The following ATF2 variants were observed in gnomAD, a reference collection of about 807,000 sequenced individuals.
The protein encoded by ATF2 is cyclic AMP-dependent transcription factor ATF-2.
ATF2 carries 24 observed loss-of-function variants against 60.6 expected under a neutral mutation model. The ratio of observed to expected loss-of-function variants is 0.40; its 90% CI spans 0.29 to 0.56. ATF2 has a LOEUF of 0.56. Among genes scored for constraint, ATF2 ranks in the 20% least tolerant of loss-of-function variants. The pLI is 0.54. For synonymous variants in ATF2, 206 were observed against 215.4 expected (o/e 0.96, Z 0.38); for missense variants, 433 against 607.7 (o/e 0.71, Z 3.02).
intron 12 of ATF2, among the ~76,000 whole-genome samples, chr2:175,082,294 A>G (rs1248416983): frequency 6.6e-6 from 1 of 152,202 alleles, no homozygotes; most frequent in Non-Finnish European, 1.5e-5. Context: ...AGAATATTGT[A>G]TTTGAGGCAA....
At chr2:175,107,757 C>T (rs1277209171) in intron 10 of ATF2, among the ~76,000 whole-genome samples, 2 of 152,216 alleles carry the variant, frequency 1.3e-5, no homozygotes, top group African/African-American at 2.4e-5. Flanking sequence ...TTGGTGGAGA[C>T]GGGGTTTCGC....
chr2:175,145,969 T>C (rs561514381), intron 2 of ATF2, among the ~76,000 whole-genome samples: 9 of 152,304 alleles, frequency 5.9e-5, no homozygotes, highest in Admixed American at 2.0e-4. Context: ...ACAGCTTAAT[T>C]ACTAAGGGCA....
chr2:175,074,977 G>C (rs1693195980), intron 13 of ATF2, 142 bp from the exon 14 acceptor site: 1 of 1,512,664 alleles, frequency 6.6e-7, no homozygotes, highest in Non-Finnish European at 8.8e-7. Context: ...AATTGATATA[G>C]GTCATGAAGT....
intron 1 of ATF2, among the ~76,000 whole-genome samples, chr2:175,160,336 G>A (rs1025262953): frequency 2.0e-5 from 3 of 152,120 alleles, no homozygotes; most frequent in Non-Finnish European, 4.4e-5. Context: ...AGTGAACTAC[G>A]ACTGCACCAC....
At position 175,108,095 on chromosome 2, in the gene ATF2, C is replaced by T. The variant is rs1290891082; in HGVS notation, c.828+3473G>A. On this transcript the variant is annotated intron_variant, in intron 10 of 13. Transcript: ENST00000264110. ...CTGGGAAGTGAGGAGCGCCTCTTCC[C>T]GGCCGCCATCCCATCTAGGAAGTGA... 1.7e-4 allele frequency among the ~76,000 whole-genome samples: 26 copies of T among 151,648 alleles called. No homozygotes were observed. In the East Asian group the frequency reaches 4.3e-3, roughly 25 times the overall value.
At chr2:175,099,102 CTTTTTTTT>C (rs35356799) in intron 10 of ATF2, among the ~76,000 whole-genome samples, 1 of 113,582 alleles carries the variant, frequency 8.8e-6, no homozygotes, top group East Asian at 2.5e-4. Flanking sequence ...TATTAAATTT[CTTTTTTTT>C]TTTTTTTTTT....
At chr2:175,099,948 G>A (rs1445278089) in intron 10 of ATF2, among the ~76,000 whole-genome samples, 4 of 152,338 alleles carry the variant, frequency 2.6e-5, no homozygotes, top group Admixed American at 2.0e-4. Flanking sequence ...AGGATTTAGA[G>A]TGCCAAACCT....
chr2:175,108,881 T>C (rs1007105620), intron 10 of ATF2, among the ~76,000 whole-genome samples: 1 of 152,184 alleles, frequency 6.6e-6, no homozygotes, highest in Admixed American at 6.5e-5. Context: ...CCCCCAATCA[T>C]GTGCTCTCTG....
intron 2 of ATF2, among the ~76,000 whole-genome samples, chr2:175,143,365 A>G (rs1698729895): frequency 6.6e-6 from 1 of 152,216 alleles, no homozygotes; most frequent in Non-Finnish European, 1.5e-5. Flanking sequence ...ATATAATTAA[A>G]TAGTAATGTC....
chr2:175,142,720 A>AGAGAGAGAGAGAGTGT (rs1491359659), intron 2 of ATF2, among the ~76,000 whole-genome samples: 18 of 71,096 alleles, frequency 2.5e-4, no homozygotes, highest in African/African-American at 8.0e-4. Flanking sequence ...AGAGAGAGAG[A>AGAGAGAGAGAGAGTGT]GTGTGTGTGT....
At chr2:175,079,758 T>G (rs1215459041) in intron 13 of ATF2, among the ~76,000 whole-genome samples, 1 of 152,176 alleles carries the variant, frequency 6.6e-6, no homozygotes, top group Non-Finnish European at 1.5e-5. Context: ...GTTTCTTTCT[T>G]TTGAATTACT....
intron 2 of ATF2, among the ~76,000 whole-genome samples, chr2:175,141,496 CT>C (rs1244278961): frequency 6.6e-6 from 1 of 151,808 alleles, no homozygotes; most frequent in Non-Finnish European, 1.5e-5. Flanking sequence ...TTTTTCTTTT[CT>C]TTTTTTTCTT....
chr2:175,099,680 A>G (rs1695180422), intron 10 of ATF2, among the ~76,000 whole-genome samples: 1 of 152,180 alleles, frequency 6.6e-6, no homozygotes, highest in Non-Finnish European at 1.5e-5. Flanking sequence ...TATTATCTGT[A>G]GTTTTTTAAT....
chr2:175,078,088 C>T (rs1693483180), intron 13 of ATF2, among the ~76,000 whole-genome samples: 1 of 152,190 alleles, frequency 6.6e-6, no homozygotes, highest in Non-Finnish European at 1.5e-5. Flanking sequence ...TTGCCTCAGC[C>T]TCCCAAGTAG....
chr2:175,116,677 G>A (rs1574409934), intron 7 of ATF2, among the ~76,000 whole-genome samples: 2 of 151,504 alleles, frequency 1.3e-5, no homozygotes, highest in South Asian at 4.2e-4. Context: ...ATTTCATATG[G>A]TATACCTTGC....
intron 1 of ATF2, among the ~76,000 whole-genome samples, chr2:175,157,693 T>G (rs11900091): frequency 0.25 from 37,492 of 152,090 alleles, 5,245 homozygotes; most frequent in African/African-American, 0.39. Flanking sequence ...TTTATTCCCT[T>G]TCAAACATCT....
chr2:175,108,393 G>A (rs1321676406), intron 10 of ATF2, among the ~76,000 whole-genome samples: 4 of 150,508 alleles, frequency 2.7e-5, no homozygotes, highest in Non-Finnish European at 5.9e-5. Context: ...CACCCGGCCA[G>A]CCGCCCCGTC....
chr2:175,086,619 C>T (rs952332710), intron 12 of ATF2, among the ~76,000 whole-genome samples: 1 of 152,016 alleles, frequency 6.6e-6, no homozygotes, highest in Non-Finnish European at 1.5e-5. Flanking sequence ...ATGTTGGCCA[C>T]GCTGGTCTTG....
At chr2:175,085,686 C>T (rs1694123517) in intron 12 of ATF2, among the ~76,000 whole-genome samples, 1 of 151,800 alleles carries the variant, frequency 6.6e-6, no homozygotes, top group Non-Finnish European at 1.5e-5. Flanking sequence ...GGTATTCAGA[C>T]TGTTGATCTA....
Sources: gnomAD v4.1 joint callset for allele counts (sites outside exome capture counted in the v4.1 genomes callset) on GRCh38, gnomAD v4.1.1 for gene constraint, MANE v1.5 for transcripts, NCBI Gene and HGNC (gene_info 2026-07-23, HGNC 2026-07-21) for gene names.